The following SLC20A2 variants were observed in gnomAD, a reference collection of about 807,000 sequenced individuals.
The protein encoded by SLC20A2 is solute carrier family 20 member 2.
A neutral mutation model predicts 61.0 loss-of-function variants in SLC20A2; 30 were observed. That is an observed-to-expected ratio of 0.49 (90% CI 0.37 to 0.67). The LOEUF is 0.67. SLC20A2 is among the 30% of genes least tolerant of loss of function. The pLI, the probability that SLC20A2 is intolerant of heterozygous loss-of-function variation, is 0.00. For synonymous variants in SLC20A2, 351 were observed against 353.3 expected, an observed-to-expected ratio of 0.99 and a Z score of 0.07; for missense variants, 626 against 866.4, an observed-to-expected ratio of 0.72 and a Z score of 3.48.
Position 42,437,763 on chromosome 8 carries a change from G to A in SLC20A2, c.935-186C>T, listed in dbSNP as rs1275722651. Among the ~76,000 whole-genome samples the A allele has an allele frequency of 1.3e-5, 2 of 151,714 alleles. No homozygotes were observed. Among genetic ancestry groups the A allele is most frequent in the African/African-American group, 4.8e-5 (2 of 41,290 alleles). On this transcript the variant is annotated intron_variant, in intron 7 of 10. Transcript: ENST00000520262. This position sits in a 1 kb window ranked among gnomAD's most constrained non-coding sequence, Gnocchi z 6.4. ...CCTGAGTAGCTGGGACTACAAGCGC[G>A]ACACCATGCCCAGCTAACTTTTTTG...
upstream of SLC20A2, among the ~76,000 whole-genome samples, chr8:42,503,433 A>T (rs1810443527): frequency 6.6e-6 from 1 of 152,208 alleles, no homozygotes; most frequent in South Asian, 2.1e-4. Flanking sequence ...TATGTTTATG[A>T]ATGTCCACTA....
At chr8:42,470,240 C>T (rs1478534101) in intron 2 of SLC20A2, among the ~76,000 whole-genome samples, 3 of 136,060 alleles carry the variant, frequency 2.2e-5, no homozygotes, top group Admixed American at 7.8e-5. Context: ...TTTTTTGAGA[C>T]AGGGTCTGGC....
rs113519389 is a variant in SLC20A2, at chr8:42,482,643, C to A, written c.-264-9989G>T. Among the ~76,000 whole-genome samples, 404 of 152,148 alleles carry A rather than the reference C, an allele frequency of 2.7e-3. 4 individuals are homozygous for A. The highest frequency in any genetic ancestry group is 9.4e-3 in the African/African-American group (390 of 41,522). ...GGCTGAGGTAGGAAGATCACCTGAG[C>A]CTGGGAGGTCAAGGCTACAGTGAGA... is the stretch of plus-strand genomic sequence containing the variant. On this transcript the variant is annotated intron_variant, in intron 1 of 10. Transcript: ENST00000520262.
At chr8:42,418,028 T>C in intron 10 of SLC20A2, 61 bp from the exon 11 acceptor site, 1 of 1,408,900 alleles carries the variant, frequency 7.1e-7, no homozygotes, top group Non-Finnish European at 9.9e-7. Flanking sequence ...ACTCTACCAA[T>C]GTACATGGGC....
chr8:42,428,133 G>A (rs1039007441), intron 10 of SLC20A2, among the ~76,000 whole-genome samples: 1 of 152,056 alleles, frequency 6.6e-6, no homozygotes, highest in Non-Finnish European at 1.5e-5. Flanking sequence ...TGAAACTCCC[G>A]GAACCCATTT....
intron 5 of SLC20A2, among the ~76,000 whole-genome samples, chr8:42,445,090 G>A (rs777024172): frequency 1.8e-4 from 27 of 151,978 alleles, no homozygotes; most frequent in Non-Finnish European, 1.3e-4. Context: ...TCAGGAGTTC[G>A]AGATCAGCCT....
chr8:42,528,726 G>A (rs1336941280), intron 1 of SLC20A2, among the ~76,000 whole-genome samples: 1 of 151,770 alleles, frequency 6.6e-6, no homozygotes, highest in East Asian at 1.9e-4. Flanking sequence ...GAGTGCAGTG[G>A]TGCGATCTTG....
chr8:42,430,636 C>T (rs1034058855), intron 8 of SLC20A2, among the ~76,000 whole-genome samples: 19 of 152,164 alleles, frequency 1.2e-4, no homozygotes, highest in African/African-American at 4.3e-4. Flanking sequence ...GTTGGGATTA[C>T]AGGCATGAGC....
chr8:42,471,410 T>C (rs1438446226), intron 2 of SLC20A2, among the ~76,000 whole-genome samples: 3 of 152,110 alleles, frequency 2.0e-5, no homozygotes, highest in Non-Finnish European at 2.9e-5. Flanking sequence ...GTAGACAACT[T>C]GAAACTGCAA....
chr8:42,484,052 T>G (rs1255472036), intron 1 of SLC20A2, among the ~76,000 whole-genome samples: 3 of 152,256 alleles, frequency 2.0e-5, no homozygotes, highest in Non-Finnish European at 4.4e-5. Flanking sequence ...TGAAATTATC[T>G]TAACTCCTTT....
chr8:42,501,961 C>T (rs1810346539), upstream of SLC20A2, among the ~76,000 whole-genome samples: 1 of 152,188 alleles, frequency 6.6e-6, no homozygotes, highest in Non-Finnish European at 1.5e-5. Flanking sequence ...GAAAAACTTT[C>T]TCTCGAAAAT....
chr8:42,473,328 G>C (rs1807795811), intron 1 of SLC20A2, among the ~76,000 whole-genome samples: 1 of 152,084 alleles, frequency 6.6e-6, no homozygotes, highest in Non-Finnish European at 1.5e-5. Flanking sequence ...GCCAGGGTCA[G>C]GAAGACCCTT....
intron 3 of SLC20A2, among the ~76,000 whole-genome samples, chr8:42,464,092 C>CTTTTTTTTTTT (rs1170751054): frequency 0.061 from 1,253 of 20,548 alleles, 525 homozygotes; most frequent in Non-Finnish European, 0.095. Context: ...GCTGGATGAT[C>CTTTTTTTTTTT]TTTTTTTTTT....
chr8:42,510,554 ACAAT>A (rs1224439192), intron 1 of SLC20A2, among the ~76,000 whole-genome samples: 3 of 152,214 alleles, frequency 2.0e-5, no homozygotes, highest in Non-Finnish European at 2.9e-5. Flanking sequence ...ATATTGTTTC[ACAAT>A]CATTCAAGTC....
chr8:42,451,440 AG>A (rs1805638792), intron 5 of SLC20A2, among the ~76,000 whole-genome samples: 1 of 147,178 alleles, frequency 6.8e-6, no homozygotes, highest in African/African-American at 2.5e-5. Context: ...TAAGAGGAGG[AG>A]GAAAAGATGG....
chr8:42,445,112 T>C (rs762760871), intron 5 of SLC20A2, among the ~76,000 whole-genome samples: 2 of 151,268 alleles, frequency 1.3e-5, no homozygotes, highest in Non-Finnish European at 2.9e-5. Flanking sequence ...GCCAATATAG[T>C]AAAACCCCAT....
At position 42,428,847 on chromosome 8, in the gene SLC20A2, G is replaced by A. The variant is rs529584086; in HGVS notation, c.1710-5C>T. 4 of 1,586,322 alleles carry A rather than the reference G, an allele frequency of 2.5e-6. No homozygotes were observed. The highest frequency in any genetic ancestry group is 3.4e-6 in the Non-Finnish European group (4 of 1,167,040). ...GCCAGCTCGATCGTGAAGCCGCTGTGGGGGGAGCATGAGACACGTCACAGG... is the reference window on the plus strand; with the variant it reads ...GCCAGCTCGATCGTGAAGCCGCTGTAGGGGGAGCATGAGACACGTCACAGG... On this transcript the variant is annotated splice_polypyrimidine_tract_variant and splice_region_variant and intron_variant, in intron 9 of 10. Transcript: ENST00000520262.
chr8:42,471,196 C>T (rs1563496540), intron 2 of SLC20A2: 7 of 456,124 alleles, frequency 1.5e-5, no homozygotes, highest in South Asian at 1.1e-4. Context: ...GTGTCGTCAT[C>T]TCTACCTAGA....
intron 10 of SLC20A2, among the ~76,000 whole-genome samples, chr8:42,422,427 ATTGT>A (rs1454204324): frequency 7.9e-5 from 12 of 152,092 alleles, no homozygotes; most frequent in Non-Finnish European, 1.6e-4. Context: ...AACAGATTTC[ATTGT>A]TTGTGATATT....
Sources: allele counts gnomAD v4.1 joint callset (sites outside exome capture counted in the v4.1 genomes callset), GRCh38; gene constraint gnomAD v4.1.1; non-coding constraint Gnocchi (gnomAD v3.1); transcripts MANE v1.5; gene names NCBI Gene and HGNC (gene_info 2026-07-23, HGNC 2026-07-21).